The following MGMT variants were observed in gnomAD, a reference collection of about 807,000 sequenced individuals.
The protein encoded by MGMT is O-6-methylguanine-DNA methyltransferase.
A neutral mutation model predicts 15.9 loss-of-function variants in MGMT; 14 were observed. The ratio of observed to expected loss-of-function variants is 0.88; its 90% CI spans 0.58 to 1.37. The LOEUF (loss-of-function observed/expected upper bound fraction) is 1.37. MGMT is among the 40% of genes most tolerant of loss of function. The pLI, the probability that MGMT is intolerant of heterozygous loss-of-function variation, is 0.00. For synonymous variants in MGMT, 130 were observed against 118.2 expected (o/e 1.10, Z -0.65); for missense variants, 282 against 268.1 (o/e 1.05, Z -0.36).
chr10:129,687,853 C>T (rs1009948942), intron 2 of MGMT, among the ~76,000 whole-genome samples: 5 of 152,084 alleles, frequency 3.3e-5, no homozygotes, highest in South Asian at 2.1e-4. Context: ...CCCCAGCCCC[C>T]CACCCCACAA....
At chr10:129,502,980 C>T (rs894359988) in intron 1 of MGMT, among the ~76,000 whole-genome samples, 3 of 151,972 alleles carry the variant, frequency 2.0e-5, no homozygotes, top group Non-Finnish European at 2.9e-5. Context: ...ACTGAGTTGA[C>T]GAATATGAAT....
At chr10:129,591,788 AGGCAT>A (rs1206862173) in intron 2 of MGMT, among the ~76,000 whole-genome samples, 4 of 152,140 alleles carry the variant, frequency 2.6e-5, no homozygotes, top group Non-Finnish European at 4.4e-5. Context: ...AAAATTAGCC[AGGCAT>A]GGTGGTAGGC....
intron 2 of MGMT, among the ~76,000 whole-genome samples, chr10:129,663,249 C>T (rs115092813): frequency 2.1e-3 from 323 of 152,218 alleles, no homozygotes; most frequent in African/African-American, 7.4e-3. Flanking sequence ...CACCTAGAGA[C>T]TTAAAACCTA....
Position 129,650,187 on chromosome 10 carries a change from T to G in MGMT, c.126-57708T>G, listed in dbSNP as rs114131442. On this transcript the variant is annotated intron_variant, in intron 2 of 4. Coordinates refer to ENST00000651593, the MANE Select transcript of MGMT (RefSeq NM_002412.5). ...ATCCCTGGATGACGGGTCCTAGTGG[T>G]TTTGAGACCACCAGTGGGTAGCCTC... 2.1e-3 allele frequency among the ~76,000 whole-genome samples: 313 copies of G among 152,300 alleles called. 1 individual carries two copies. The highest frequency in any genetic ancestry group is 7.2e-3 in the African/African-American group (299 of 41,568).
intron 2 of MGMT, among the ~76,000 whole-genome samples, chr10:129,692,887 G>A (rs527562089): frequency 1.3e-5 from 2 of 152,338 alleles, no homozygotes; most frequent in South Asian, 4.1e-4. Context: ...CCCAGACCTC[G>A]CGGTTGCTCT....
intron 2 of MGMT, among the ~76,000 whole-genome samples, chr10:129,582,328 G>GT (rs1053213852): frequency 2.6e-5 from 4 of 152,232 alleles, no homozygotes; most frequent in Admixed American, 2.6e-4. Context: ...CAGTGAATTA[G>GT]TTCAGAGAGT....
At chr10:129,755,533 G>A (rs1304967797) in intron 3 of MGMT, among the ~76,000 whole-genome samples, 2 of 152,228 alleles carry the variant, frequency 1.3e-5, no homozygotes, top group African/African-American at 2.4e-5. Flanking sequence ...CCCAAAGCCT[G>A]GGCTGCTGAA....
intron 2 of MGMT, among the ~76,000 whole-genome samples, chr10:129,611,899 A>G (rs773572354): frequency 2.6e-5 from 4 of 152,118 alleles, no homozygotes; most frequent in Non-Finnish European, 5.9e-5. Context: ...AAAGAGTCAA[A>G]CTCTGTAAAA....
chr10:129,522,476 T>C (rs1379063189), intron 1 of MGMT, among the ~76,000 whole-genome samples: 1 of 152,206 alleles, frequency 6.6e-6, no homozygotes, highest in Non-Finnish European at 1.5e-5. Context: ...CATCCCACAG[T>C]GCTCTTTGTC....
chr10:129,506,006 A>AT (rs71478939), intron 1 of MGMT, among the ~76,000 whole-genome samples: 32,053 of 132,436 alleles, frequency 0.24, 4,173 homozygotes, highest in Non-Finnish European at 0.3. Flanking sequence ...TGCAGTTGCT[A>AT]TTTTTTTTTT....
chr10:129,718,644 G>A (rs1384300192), intron 3 of MGMT, among the ~76,000 whole-genome samples: 3 of 152,224 alleles, frequency 2.0e-5, no homozygotes, highest in African/African-American at 7.2e-5. Context: ...TCCTCTCCTG[G>A]TGAGTGTCAC....
At chr10:129,645,431 C>T (rs562240984) in intron 2 of MGMT, among the ~76,000 whole-genome samples, 2 of 152,254 alleles carry the variant, frequency 1.3e-5, no homozygotes, top group East Asian at 3.9e-4. Flanking sequence ...CAAAAGCCCA[C>T]GTTTGGCAGG....
chr10:129,510,793 C>T (rs12776376), intron 1 of MGMT, among the ~76,000 whole-genome samples: 33,126 of 151,186 alleles, frequency 0.22, 4,950 homozygotes, highest in African/African-American at 0.44. Flanking sequence ...GATGCAGCCA[C>T]GTGCTTCCTG....
intron 3 of MGMT, among the ~76,000 whole-genome samples, chr10:129,736,831 C>T (rs1425274389): frequency 6.6e-6 from 1 of 152,022 alleles, no homozygotes; most frequent in Non-Finnish European, 1.5e-5. Flanking sequence ...CTTAGTTTGG[C>T]TGGATATGAA....
At chr10:129,681,859 C>T (rs1195557958) in intron 2 of MGMT, among the ~76,000 whole-genome samples, 1 of 152,122 alleles carries the variant, frequency 6.6e-6, no homozygotes, top group Non-Finnish European at 1.5e-5. Flanking sequence ...GAGTTGTATT[C>T]AGAACATGAA....
chr10:129,591,395 C>T (rs1299971064), intron 2 of MGMT, among the ~76,000 whole-genome samples: 2 of 152,190 alleles, frequency 1.3e-5, no homozygotes, highest in Non-Finnish European at 2.9e-5. Context: ...TGCCCTCTGT[C>T]TCCCCAGGAA....
chr10:129,713,290 C>T (rs941624721), intron 3 of MGMT, among the ~76,000 whole-genome samples: 1 of 152,096 alleles, frequency 6.6e-6, no homozygotes, highest in Non-Finnish European at 1.5e-5. Context: ...TTCCGATGCC[C>T]GTTTATTGAT....
intron 3 of MGMT, among the ~76,000 whole-genome samples, chr10:129,749,903 C>T (rs1589975201): frequency 6.6e-6 from 1 of 152,078 alleles, no homozygotes; most frequent in African/African-American, 2.4e-5. Context: ...GCTTATTTGT[C>T]ACCTATATAT....
chr10:129,529,200 G>A (rs1424487413), intron 1 of MGMT, among the ~76,000 whole-genome samples: 1 of 151,926 alleles, frequency 6.6e-6, no homozygotes, highest in Non-Finnish European at 1.5e-5. Flanking sequence ...TGGGTGCGAT[G>A]GGGTCATGGG....
Sources: gnomAD v4.1 joint callset for allele counts (sites outside exome capture counted in the v4.1 genomes callset) on GRCh38, gnomAD v4.1.1 for gene constraint, MANE v1.5 for transcripts, NCBI Gene and HGNC (gene_info 2026-07-23, HGNC 2026-07-21) for gene names.